NOC3L: variants seen among roughly 807,000 people sequenced by gnomAD.
NOC3L encodes NOC3 like DNA replication regulator.
NOC3L carries 85 observed loss-of-function variants against 102.5 expected under a neutral mutation model. The observed-to-expected ratio is 0.83, with a 90% CI of 0.70 to 0.99. The LOEUF (loss-of-function observed/expected upper bound fraction) is 0.99. NOC3L is among the 50% of genes least tolerant of loss of function. NOC3L has a pLI of 0.00. For missense variants in NOC3L, 878 were observed against 914.9 expected (o/e 0.96, Z 0.52); for synonymous variants, 303 against 309.4 (o/e 0.98, Z 0.22).
chr10:94,346,482 T>C lies in NOC3L; in HGVS notation c.1332A>G (p.Pro444=). ...TTTCTTTGAAAGTCATAAATTTTTT[T>C]GGTTTATTAATGTCTTCTGTATCTT... ...VKKDTEDINK[P]KKFMTFKEKR... The change falls in exon 11 of 21, where the codon CCA becomes CCG. Residue 444 remains proline (P), a synonymous_variant. Transcript: ENST00000371361. The C allele has an allele frequency of 2.0e-6, 3 of 1,511,276 alleles. No homozygotes were observed. The highest frequency in any genetic ancestry group is 2.5e-5 in the South Asian group (2 of 78,764). 93.6% of individuals were successfully genotyped at this position (1,511,276 alleles called of 1,614,324 possible).
chr10:94,355,309 C>G (rs1251882036), intron 5 of NOC3L, among the ~76,000 whole-genome samples: 1 of 151,430 alleles, frequency 6.6e-6, no homozygotes, highest in African/African-American at 2.4e-5. Context: ...CTTGGCTAAG[C>G]TCATAAACCA....
chr10:94,354,797 T>A (rs959429538), intron 6 of NOC3L, among the ~76,000 whole-genome samples, 166 bp downstream of exon 6: 3 of 152,220 alleles, frequency 2.0e-5, no homozygotes, highest in Admixed American at 2.0e-4. Context: ...AGTTCAGACA[T>A]AGCATTAAGC....
Position 94,346,500 on chromosome 10 carries a change from T to C in NOC3L, c.1314A>G (p.Thr438=), listed in dbSNP as rs2133995750. 2 of 1,485,174 alleles carry C rather than the reference T, an allele frequency of 1.3e-6. No individual in the cohort carries two copies. Among genetic ancestry groups the C allele is most frequent in the South Asian group, 2.6e-5 (2 of 77,734 alleles). The allele number at this position is 1,485,174 out of a possible 1,614,324, so 92.0% of individuals were successfully genotyped here. ...ATTTTTTTGGTTTATTAATGTCTTCTGTATCTTTTTTCACTTCTACTTCCT... is the reference window on the plus strand; with the variant it reads ...ATTTTTTTGGTTTATTAATGTCTTCCGTATCTTTTTTCACTTCTACTTCCT... ...RIKEVEVKKD[T]EDINKPKKFM... The change falls in exon 11 of 21, where the codon ACA becomes ACG. Residue 438 remains threonine, a synonymous_variant. Transcript: ENST00000371361.
intron 5 of NOC3L, 152 bp from the exon 6 acceptor site, chr10:94,355,245 A>T (rs2054470006): frequency 1.8e-6 from 1 of 545,626 alleles, no homozygotes. Flanking sequence ...TACAGGTACT[A>T]TCATTGGACC....
intron 8 of NOC3L, 26 bp from the exon 9 acceptor site, chr10:94,350,314 T>C (rs754430064): frequency 1.2e-5 from 20 of 1,604,846 alleles, no homozygotes; most frequent in Non-Finnish European, 1.6e-5. Context: ...CTGTAGTTAC[T>C]TTACTCATTG....
At chr10:94,338,844 C>T in intron 17 of NOC3L, 108 bp from the exon 18 acceptor site, 1 of 923,004 alleles carries the variant, frequency 1.1e-6, no homozygotes, top group Non-Finnish European at 1.5e-6. Context: ...TGTATAAGAG[C>T]TTTGCATAAA....
intron 11 of NOC3L, among the ~76,000 whole-genome samples, 168 bp downstream of exon 11, chr10:94,346,255 TAA>T (rs1380430570): frequency 1.3e-5 from 2 of 152,210 alleles, no homozygotes; most frequent in African/African-American, 4.8e-5. Flanking sequence ...AAAACTGATT[TAA>T]GAAAACATTT....
chr10:94,342,614 C>T (rs967409525), intron 13 of NOC3L, among the ~76,000 whole-genome samples: 3 of 150,030 alleles, frequency 2.0e-5, no homozygotes, highest in Non-Finnish European at 1.5e-5. Flanking sequence ...TGCAAATAGG[C>T]GACTGACCAA....
chr10:94,342,716 C>G (rs1038384705), intron 13 of NOC3L, among the ~76,000 whole-genome samples: 3 of 146,218 alleles, frequency 2.1e-5, no homozygotes, highest in Non-Finnish European at 3.0e-5. Context: ...CCAAAAGTAA[C>G]TGTTTACAAA....
chr10:94,362,322 C>G (rs1202636132), intron 1 of NOC3L, among the ~76,000 whole-genome samples: 1 of 152,144 alleles, frequency 6.6e-6, no homozygotes, highest in African/African-American at 2.4e-5. Context: ...GATGAAGCTG[C>G]CAAAAGACCC....
the NOC3L span, among the ~76,000 whole-genome samples, chr10:94,320,835 G>C: frequency 6.6e-6 from 1 of 152,132 alleles, no homozygotes. Flanking sequence ...GCTTTACATA[G>C]TCACATACAC....
chr10:94,348,596 G>A (rs149243042), intron 10 of NOC3L, among the ~76,000 whole-genome samples: 135 of 151,840 alleles, frequency 8.9e-4, no homozygotes, highest in Middle Eastern at 3.4e-3. Context: ...TAATAAGCAG[G>A]TAAAAAAAGT....
At chr10:94,316,504 A>C in the NOC3L span, 5 of 1,269,024 alleles carry the variant, frequency 3.9e-6, no homozygotes, top group Admixed American at 8.4e-5. Context: ...ATTTGTTTTA[A>C]GTTTTTGCCT....
chr10:94,325,296 C>T, the NOC3L span: 2 of 546,054 alleles, frequency 3.7e-6, no homozygotes, highest in South Asian at 4.0e-5. Context: ...TGAACACCGC[C>T]TATAAAGAAA....
the NOC3L span, chr10:94,322,123 T>G: frequency 1.4e-6 from 2 of 1,423,226 alleles, no homozygotes; most frequent in Non-Finnish European, 2.0e-6. Flanking sequence ...AACAAATGTC[T>G]GTGCACTGAT....
chr10:94,349,249 C>A lies in NOC3L; in HGVS notation c.1257+1G>T, dbSNP rs1416728138. 7 of 1,562,502 alleles carry A rather than the reference C, an allele frequency of 4.5e-6. No homozygotes were observed. Among genetic ancestry groups the A allele is most frequent in the African/African-American group, 2.8e-5 (2 of 71,008 alleles). ...TGCAAAGTAAAAAAAAAAAGGCTCA[C>A]CTCTGGCCTAACTTCGTAATTTCTG... is the stretch of plus-strand genomic sequence containing the variant. On this transcript the variant is annotated splice_donor_variant, in intron 10 of 20. Transcript: ENST00000371361. LOFTEE classifies it high-confidence loss of function.
intron 1 of NOC3L, 99 bp from the exon 2 acceptor site, chr10:94,361,971 T>C (rs1450786338): frequency 1.1e-6 from 1 of 913,722 alleles, no homozygotes. Context: ...AATTCCACAA[T>C]TTCAATGTCC....
At chr10:94,315,887 C>T in the NOC3L span, among the ~76,000 whole-genome samples, 1 of 151,902 alleles carries the variant, frequency 6.6e-6, no homozygotes, top group Non-Finnish European at 1.5e-5. Flanking sequence ...GCTACTATTT[C>T]CATTGTGTAG....
downstream of NOC3L, chr10:94,328,766 A>AAAT (rs1465131741): frequency 1.3e-5 from 2 of 152,150 alleles, no homozygotes; most frequent in Middle Eastern, 3.2e-3. Context: ...TTACATATAG[A>AAAT]AATAATATTG....
Sources: gnomAD v4.1 joint callset for allele counts (sites outside exome capture counted in the v4.1 genomes callset) on GRCh38, gnomAD v4.1.1 for gene constraint, MANE v1.5 for transcripts, NCBI Gene and HGNC (gene_info 2026-07-23, HGNC 2026-07-21) for gene names.